The following GLUD1 variants were observed in gnomAD, a reference collection of about 807,000 sequenced individuals.
GLUD1 encodes glutamate dehydrogenase 1.
In GLUD1, 22 loss-of-function variants were observed where a neutral mutation model predicts 56.0. The ratio of observed to expected loss-of-function variants is 0.39; its 90% CI spans 0.28 to 0.56. GLUD1 has a LOEUF of 0.56. GLUD1 is among the 20% of genes least tolerant of loss of function. The pLI, the probability that GLUD1 is intolerant of heterozygous loss-of-function variation, is 0.58. For synonymous variants in GLUD1, 223 were observed against 269.9 expected, an observed-to-expected ratio of 0.83 and a Z score of 1.70; for missense variants, 451 against 732.0, an observed-to-expected ratio of 0.62 and a Z score of 4.43.
intron 12 of GLUD1, among the ~76,000 whole-genome samples, chr10:87,052,348 TGTGGGG>T (rs1845655285): frequency 6.6e-6 from 1 of 150,508 alleles, no homozygotes; most frequent in Admixed American, 6.6e-5. Flanking sequence ...ATTAACCGGG[TGTGGGG>T]GTGGGCGCCT....
intron 4 of GLUD1, among the ~76,000 whole-genome samples, chr10:87,070,388 CAA>C (rs1209805622): frequency 6.6e-6 from 1 of 151,906 alleles, no homozygotes; most frequent in Non-Finnish European, 1.5e-5. Flanking sequence ...ATCACGAGGT[CAA>C]GAGAGAGAGA....
In GLUD1 at chr10:87,094,698, G is replaced by C. The variant is rs376283515; in HGVS notation, c.72C>G (p.Ala24=). The C allele has an allele frequency of 3.3e-6, 5 of 1,496,658 alleles. No individual in the cohort carries two copies. The highest frequency in any genetic ancestry group is 2.7e-6 in the Non-Finnish European group (3 of 1,122,948). The allele number at this position is 1,496,658 out of a possible 1,614,324, so 92.7% of individuals were successfully genotyped here. A position where few individuals can be genotyped will look rare whatever the true frequency, so the allele number is the denominator to read the frequency against. The part of the protein sequence containing the change: ...AGPAALGSAS[A]DSAALLGWAR... ...CCCAGCCCAGCAACGCGGCCGAGTC[G>C]GCGGACGCCGAGCCCAGGGCAGCGG... The change falls in exon 1 of 13, where the codon GCC becomes GCG. Residue 24 remains alanine, a synonymous_variant. Coordinates refer to ENST00000277865, the MANE Select transcript of GLUD1 (RefSeq NM_005271.5). The surrounding 1 kb of genome is among the most constrained non-coding windows in gnomAD (Gnocchi z 6.6).
At chr10:87,064,099 T>A (rs1354573901) in intron 5 of GLUD1, among the ~76,000 whole-genome samples, 1 of 152,102 alleles carries the variant, frequency 6.6e-6, no homozygotes, top group Non-Finnish European at 1.5e-5. Flanking sequence ...GTATTTTTAG[T>A]AGAGAGTAAC....
chr10:87,060,811 A>G lies in GLUD1; in HGVS notation c.1074T>C (p.Ile358=). 6.2e-7 allele frequency: 1 copy of G among 1,614,202 alleles called. No individual in the cohort carries two copies. Among genetic ancestry groups the G allele is most frequent in the Non-Finnish European group, 8.5e-7 (1 of 1,180,052 alleles). ...LEDFKLQHGS[I]LGFPKAKPYE... ...AGGGCTTTGCCTTGGGGAAGCCCAGAATGGACCCATGTTGCTGCCATTGAT... is the reference window on the plus strand; with the variant it reads ...AGGGCTTTGCCTTGGGGAAGCCCAGGATGGACCCATGTTGCTGCCATTGAT... The change falls in exon 8 of 13, where the codon ATT becomes ATC. Residue 358 remains isoleucine, a synonymous_variant. Coordinates refer to ENST00000277865, the MANE Select transcript of GLUD1 (RefSeq NM_005271.5).
chr10:87,079,293 T>C (rs1405193977), intron 1 of GLUD1, among the ~76,000 whole-genome samples: 1 of 149,458 alleles, frequency 6.7e-6, no homozygotes, highest in African/African-American at 2.5e-5. Context: ...AAAAATTGAG[T>C]TGGGCGTGGG....
At chr10:87,084,528 A>T (rs1299414950) in intron 1 of GLUD1, among the ~76,000 whole-genome samples, 4 of 147,804 alleles carry the variant, frequency 2.7e-5, no homozygotes, top group African/African-American at 5.0e-5. Flanking sequence ...CTAAGCTTGA[A>T]TTTTTTTTCC....
At chr10:87,060,886 G>T (rs1845912918) in intron 7 of GLUD1, 29 bp downstream of exon 7, 1 of 1,612,844 alleles carries the variant, frequency 6.2e-7, no homozygotes, top group Admixed American at 1.7e-5. Context: ...TTTATATTTA[G>T]TGTCTATGCT....
chr10:87,072,975 T>C (rs1208509674), intron 4 of GLUD1, among the ~76,000 whole-genome samples: 2 of 152,210 alleles, frequency 1.3e-5, no homozygotes, highest in African/African-American at 4.8e-5. Context: ...AAGTTCACAG[T>C]AGTGCTGGGT....
chr10:87,068,586 T>C (rs576553643), intron 4 of GLUD1, among the ~76,000 whole-genome samples: 42 of 152,304 alleles, frequency 2.8e-4, no homozygotes, highest in African/African-American at 9.4e-4. Context: ...CAGAGTAACA[T>C]GCTGCTTAGT....
chr10:87,080,543 G>GC, intron 1 of GLUD1, among the ~76,000 whole-genome samples: 1 of 151,882 alleles, frequency 6.6e-6, no homozygotes, highest in Non-Finnish European at 1.5e-5. Flanking sequence ...GAGCGTCTCT[G>GC]CCCGGCCGCC....
At chr10:87,066,327 C>G (rs1383174393) in intron 5 of GLUD1, among the ~76,000 whole-genome samples, 2 of 152,136 alleles carry the variant, frequency 1.3e-5, no homozygotes, top group Non-Finnish European at 2.9e-5. Flanking sequence ...GCACACTTAG[C>G]TGAGTCACAC....
chr10:87,058,422 C>T (rs989326666), intron 10 of GLUD1, among the ~76,000 whole-genome samples: 3 of 152,148 alleles, frequency 2.0e-5, no homozygotes, highest in African/African-American at 7.2e-5. Context: ...AGGTCTTGGT[C>T]TTATTTCAAC....
At chr10:87,059,421 T>TAA in intron 9 of GLUD1, 148 bp from the exon 10 acceptor site, 1 of 760,596 alleles carries the variant, frequency 1.3e-6, no homozygotes, top group Admixed American at 2.0e-5. Context: ...ATTTCACACT[T>TAA]AATTAACACT....
chr10:87,059,017 G>T, intron 10 of GLUD1, 133 bp downstream of exon 10: 2 of 1,066,150 alleles, frequency 1.9e-6, no homozygotes, highest in Non-Finnish European at 2.9e-6. Flanking sequence ...TAAGTTTCAT[G>T]AGACAAAATA....
At chr10:87,086,204 C>T (rs894954180) in intron 1 of GLUD1, among the ~76,000 whole-genome samples, 6 of 152,158 alleles carry the variant, frequency 3.9e-5, no homozygotes, top group African/African-American at 1.2e-4. Context: ...GCCTGGATTT[C>T]CAATTTCCCT....
intron 4 of GLUD1, among the ~76,000 whole-genome samples, chr10:87,072,195 C>A (rs1450795037): frequency 6.6e-6 from 1 of 152,142 alleles, no homozygotes; most frequent in African/African-American, 2.4e-5. Context: ...ATTGCTTGAG[C>A]CCAGGAGGTC....
In GLUD1 at chr10:87,094,804, G is replaced by C. The variant is rs1841689472; in HGVS notation, c.-35C>G. 1.3e-6 allele frequency: 2 copies of C among 1,490,078 alleles called. No individual in the cohort carries two copies. The highest frequency in any genetic ancestry group is 1.2e-5 in the South Asian group (1 of 84,570). 92.3% of individuals were successfully genotyped at this position (1,490,078 alleles called of 1,614,324 possible). On this transcript the variant is annotated 5_prime_UTR_variant, in exon 1 of 13. Coordinates refer to ENST00000277865, the MANE Select transcript of GLUD1 (RefSeq NM_005271.5). The surrounding 1 kb of genome is among the most constrained non-coding windows in gnomAD (Gnocchi z 6.6). ...CGGAGGGGAGGTGCGTGATGGTCGCGAAACAGGCGCGCTTTCTCAGACTCC... is the reference window on the plus strand; with the variant it reads ...CGGAGGGGAGGTGCGTGATGGTCGCCAAACAGGCGCGCTTTCTCAGACTCC...
chr10:87,073,342 T>C (rs939494233), intron 4 of GLUD1, among the ~76,000 whole-genome samples: 4 of 151,986 alleles, frequency 2.6e-5, no homozygotes, highest in Admixed American at 6.6e-5. Flanking sequence ...TTTGTAGAGA[T>C]GGGGTCTTGT....
intron 1 of GLUD1, among the ~76,000 whole-genome samples, chr10:87,084,447 A>G (rs1841335362): frequency 6.6e-6 from 1 of 152,244 alleles, no homozygotes; most frequent in African/African-American, 2.4e-5. Context: ...AACTAGCTTA[A>G]GTTGCTATAG....
Sources: allele counts gnomAD v4.1 joint callset (sites outside exome capture counted in the v4.1 genomes callset), GRCh38; gene constraint gnomAD v4.1.1; non-coding constraint Gnocchi (gnomAD v3.1); transcripts MANE v1.5; gene names NCBI Gene and HGNC (gene_info 2026-07-23, HGNC 2026-07-21).